The following DYNC2H1 variants were observed in gnomAD, a reference collection of about 807,000 sequenced individuals.
DYNC2H1 encodes the protein cytoplasmic dynein 2 heavy chain 1.
Under a neutral mutation model 570.0 loss-of-function variants are expected in DYNC2H1, and 410 were observed. The observed-to-expected ratio is 0.72, with a 90% CI of 0.66 to 0.78. The LOEUF (loss-of-function observed/expected upper bound fraction) is 0.78. DYNC2H1 is among the 30% of genes least tolerant of loss of function. The pLI, the probability that DYNC2H1 is intolerant of heterozygous loss-of-function variation, is 0.00. For missense variants in DYNC2H1, 4,865 were observed against 5,046.4 expected, an observed-to-expected ratio of 0.96 and a Z score of 1.09; for synonymous variants, 1,688 against 1,677.6, an observed-to-expected ratio of 1.01 and a Z score of -0.15.
chr11:103,243,635 A>G lies in DYNC2H1; in HGVS notation c.9820-58A>G. The G allele has an allele frequency of 7.9e-7, 1 of 1,265,320 alleles. No individual in the cohort carries two copies. The highest frequency in any genetic ancestry group is 1.1e-6 in the Non-Finnish European group (1 of 910,610). The allele number at this position is 1,265,320 out of a possible 1,614,324, so 78.4% of individuals were successfully genotyped here. On this transcript the variant is annotated intron_variant, in intron 63 of 88. Coordinates refer to ENST00000375735, the MANE Select transcript of DYNC2H1 (RefSeq NM_001377.3). The surrounding 1 kb of genome is among the most constrained non-coding windows in gnomAD (Gnocchi z 4.8). ...TTATAATTTCTAGAAAACTATTTCC[A>G]TTTAAATGAAAGCTTATAATCATTA...
At chr11:103,197,088 A>C (rs1296259105) in intron 47 of DYNC2H1, among the ~76,000 whole-genome samples, 3 of 152,078 alleles carry the variant, frequency 2.0e-5, no homozygotes, top group Non-Finnish European at 2.9e-5. Flanking sequence ...GGTAGATTTA[A>C]GGGAAGTTTG....
chr11:103,431,459 A>AT (rs1210581584), intron 84 of DYNC2H1, among the ~76,000 whole-genome samples: 1 of 152,090 alleles, frequency 6.6e-6, no homozygotes, highest in African/African-American at 2.4e-5. Flanking sequence ...CAGCTCTGTG[A>AT]TTTTTGAACA....
intron 17 of DYNC2H1, 98 bp downstream of exon 17, chr11:103,136,046 C>A: frequency 9.8e-7 from 1 of 1,020,216 alleles, no homozygotes; most frequent in Non-Finnish European, 1.3e-6. Context: ...CCTTGTGTGG[C>A]ATAACATTAA....
At position 103,117,827 on chromosome 11, in the gene DYNC2H1, A is replaced by G. The variant is rs771975812; in HGVS notation, c.963A>G (p.Pro321=). 2 of 1,612,968 alleles carry G rather than the reference A, an allele frequency of 1.2e-6. No homozygotes were observed. Among genetic ancestry groups the G allele is most frequent in the Non-Finnish European group, 8.5e-7 (1 of 1,179,238 alleles). Residue 321 remains proline (P), a synonymous_variant, in exon 6 of 89, where the codon CCA becomes CCG. Coordinates refer to ENST00000375735, the MANE Select transcript of DYNC2H1 (RefSeq NM_001377.3). ...CATGGAAAAATGAAAAATATTTTCC[A>G]GAAACACTTGACAAACTTGGCAAAC... ...PHPWKNEKYF[P]ETLDKLGKRL... is the part of the protein sequence containing the mutation.
chr11:103,257,872 C>G (rs1446578302), intron 69 of DYNC2H1, 121 bp downstream of exon 69: 2 of 1,049,954 alleles, frequency 1.9e-6, no homozygotes, highest in Admixed American at 3.9e-5. Context: ...TCCAAAAGAC[C>G]ACATGTAACA....
chr11:103,462,734 G>T (rs1034291338), intron 87 of DYNC2H1, among the ~76,000 whole-genome samples: 1 of 152,118 alleles, frequency 6.6e-6, no homozygotes, highest in Admixed American at 6.5e-5. Context: ...TTCTCTTTAA[G>T]TATCATTGTG....
intron 17 of DYNC2H1, among the ~76,000 whole-genome samples, chr11:103,141,286 T>G (rs1859910392): frequency 6.6e-6 from 1 of 152,206 alleles, no homozygotes; most frequent in Non-Finnish European, 1.5e-5. Flanking sequence ...GGCACTCTGC[T>G]TTTTAGAGTT....
chr11:103,474,495 ATTTTG>A (rs1201040233), intron 88 of DYNC2H1, among the ~76,000 whole-genome samples: 1 of 152,138 alleles, frequency 6.6e-6, no homozygotes, highest in African/African-American at 2.4e-5. Flanking sequence ...TAACGTAATA[ATTTTG>A]TTTTCATTGT....
intron 83 of DYNC2H1, among the ~76,000 whole-genome samples, chr11:103,360,517 C>A (rs974435397): frequency 1.3e-5 from 2 of 152,114 alleles, no homozygotes; most frequent in African/African-American, 4.8e-5. Context: ...TAAGCACTCT[C>A]TTTTAACTAC....
Position 103,325,386 on chromosome 11 carries a change from A to G in DYNC2H1, c.12039+1396A>G, listed in dbSNP as rs1230522093. Among the ~76,000 whole-genome samples, 1 of 152,122 alleles carries G rather than the reference A, an allele frequency of 6.6e-6. No homozygotes were observed. The highest frequency in any genetic ancestry group is 1.5e-5 in the Non-Finnish European group (1 of 68,018). On this transcript the variant is annotated intron_variant, in intron 82 of 88. Transcript: ENST00000375735. The surrounding 1 kb of genome is among the most constrained non-coding windows in gnomAD (Gnocchi z 4.8). ...TAATCCATCTTGAGTTGATTTTTGT[A>G]TATGGTGGAAGGAGTGGGTCTAGTT...
intron 59 of DYNC2H1, among the ~76,000 whole-genome samples, chr11:103,230,358 C>T (rs1437147457): frequency 6.6e-6 from 1 of 152,112 alleles, no homozygotes; most frequent in Non-Finnish European, 1.5e-5. Flanking sequence ...ATGGACTGGC[C>T]ATTTTATGGC....
chr11:103,345,006 TAG>T (rs1851241858), intron 82 of DYNC2H1, among the ~76,000 whole-genome samples: 2 of 151,568 alleles, frequency 1.3e-5, no homozygotes, highest in Non-Finnish European at 2.9e-5. Context: ...ACATATTTTT[TAG>T]TAGTTCTATT....
chr11:103,114,285 A>C, intron 3 of DYNC2H1, 47 bp downstream of exon 3: 3 of 1,473,722 alleles, frequency 2.0e-6, no homozygotes, highest in Non-Finnish European at 2.7e-6. Context: ...TGATTGTCTC[A>C]TTAATACATT....
rs919631617 is a variant in DYNC2H1, at chr11:103,239,324, T to C, written c.9819+2785T>C. Reference sequence around the variant, plus strand: ...AAATTATAATGGTAAATTTACAACTTTAAAGTTAACTTCTCCACATAGGAA... The same window carrying C: ...AAATTATAATGGTAAATTTACAACTCTAAAGTTAACTTCTCCACATAGGAA... On this transcript the variant is annotated intron_variant, in intron 63 of 88. Coordinates refer to ENST00000375735, the MANE Select transcript of DYNC2H1 (RefSeq NM_001377.3). The surrounding 1 kb of genome is among the most constrained non-coding windows in gnomAD (Gnocchi z 4.3). Among the ~76,000 whole-genome samples the C allele has an allele frequency of 6.6e-6, 1 of 152,156 alleles. No homozygotes were observed. Among genetic ancestry groups the C allele is most frequent in the African/African-American group, 2.4e-5 (1 of 41,426 alleles).
chr11:103,472,531 G>A lies in DYNC2H1; in HGVS notation c.12765+3826G>A, dbSNP rs951693714. 1.3e-5 allele frequency among the ~76,000 whole-genome samples: 2 copies of A among 151,984 alleles called. No individual in the cohort carries two copies. The highest frequency in any genetic ancestry group is 2.4e-5 in the African/African-American group (1 of 41,354). ...CGTCTCATAACAATCCTATGAGTTT[G>A]GTACAGCAAATTTTCTATTTTTCTG... On this transcript the variant is annotated intron_variant, in intron 88 of 88. Coordinates refer to ENST00000375735, the MANE Select transcript of DYNC2H1 (RefSeq NM_001377.3). This position sits in a 1 kb window ranked among gnomAD's most constrained non-coding sequence, Gnocchi z 4.1.
At chr11:103,376,165 C>G (rs112292269) in intron 83 of DYNC2H1, among the ~76,000 whole-genome samples, 2 of 152,146 alleles carry the variant, frequency 1.3e-5, no homozygotes, top group Non-Finnish European at 2.9e-5. Flanking sequence ...GAGGTGCCTT[C>G]GGCCATGATT....
In DYNC2H1 at chr11:103,243,628, T is replaced by G. The variant is rs1864501176; in HGVS notation, c.9820-65T>G. The stretch of plus-strand genomic sequence containing the variant: ...AATTGATTTATAATTTCTAGAAAAC[T>G]ATTTCCATTTAAATGAAAGCTTATA... On this transcript the variant is annotated intron_variant, in intron 63 of 88. Coordinates refer to ENST00000375735, the MANE Select transcript of DYNC2H1 (RefSeq NM_001377.3). This position sits in a 1 kb window ranked among gnomAD's most constrained non-coding sequence, Gnocchi z 4.8. The G allele has an allele frequency of 5.8e-6, 7 of 1,202,776 alleles. 1 individual carries two copies. Among genetic ancestry groups the G allele is most frequent in the South Asian group, 3.0e-5 (2 of 67,334 alleles). 74.5% of individuals were successfully genotyped at this position (1,202,776 alleles called of 1,614,324 possible).
At chr11:103,463,916 G>T (rs1232988222) in intron 87 of DYNC2H1, among the ~76,000 whole-genome samples, 1 of 152,024 alleles carries the variant, frequency 6.6e-6, no homozygotes, top group South Asian at 2.1e-4. Context: ...TCCCAACATT[G>T]CCAGAACAGA....
At chr11:103,341,084 A>G (rs1325780848) in intron 82 of DYNC2H1, among the ~76,000 whole-genome samples, 1 of 152,086 alleles carries the variant, frequency 6.6e-6, no homozygotes, top group Non-Finnish European at 1.5e-5. Context: ...AAGGCTGTGT[A>G]CTTGATTATT....
Sources: allele counts gnomAD v4.1 joint callset (sites outside exome capture counted in the v4.1 genomes callset), GRCh38; gene constraint gnomAD v4.1.1; non-coding constraint Gnocchi (gnomAD v3.1); transcripts MANE v1.5; gene names NCBI Gene and HGNC (gene_info 2026-07-23, HGNC 2026-07-21).